Variants in MPPED2 observed in about 807,000 individuals in gnomAD.
The protein encoded by MPPED2 is metallophosphoesterase domain containing 2.
Under a neutral mutation model 33.0 loss-of-function variants are expected in MPPED2, and 5 were observed. The ratio of observed to expected loss-of-function variants is 0.15; its 90% CI spans 0.08 to 0.32. MPPED2 has a LOEUF of 0.32. Ranked by LOEUF, MPPED2 falls within the 10% of genes least tolerant of loss-of-function variation. The probability of loss-of-function intolerance (pLI) is 1.00; values close to 1 mark genes in which losing one functional copy is unlikely to be tolerated. For missense variants in MPPED2, 275 were observed against 372.1 expected (o/e 0.74, Z 2.15); for synonymous variants, 136 against 141.9 (o/e 0.96, Z 0.29).
At chr11:30,486,951 A>C (rs946567400) in intron 4 of MPPED2, among the ~76,000 whole-genome samples, 8 of 152,042 alleles carry the variant, frequency 5.3e-5, no homozygotes, top group Non-Finnish European at 1.0e-4. Flanking sequence ...AATCTGTGTA[A>C]ATTCTCAGTT....
At chr11:30,552,157 T>C (rs1363638835) in intron 2 of MPPED2, among the ~76,000 whole-genome samples, 4 of 152,234 alleles carry the variant, frequency 2.6e-5, no homozygotes, top group Admixed American at 6.5e-5. Flanking sequence ...ATTAAAACTG[T>C]CATCTTCTAT....
chr11:30,478,789 C>T (rs780828003), intron 4 of MPPED2, among the ~76,000 whole-genome samples: 1 of 151,952 alleles, frequency 6.6e-6, no homozygotes, highest in Non-Finnish European at 1.5e-5. Flanking sequence ...GTCTTAGACA[C>T]GTGGTTAATA....
At chr11:30,440,279 G>A (rs947459472) in intron 4 of MPPED2, among the ~76,000 whole-genome samples, 8 of 151,486 alleles carry the variant, frequency 5.3e-5, no homozygotes, top group East Asian at 3.9e-4. Context: ...GCAGTGAGCC[G>A]AGGTCGCGCC....
chr11:30,547,128 T>C (rs1468699970), intron 2 of MPPED2, among the ~76,000 whole-genome samples: 1 of 152,210 alleles, frequency 6.6e-6, no homozygotes, highest in Non-Finnish European at 1.5e-5. Flanking sequence ...ATTGCCCAGC[T>C]AGTACATGGC....
intron 4 of MPPED2, among the ~76,000 whole-genome samples, chr11:30,471,445 C>T (rs2134061425): frequency 6.6e-6 from 1 of 152,346 alleles, no homozygotes; most frequent in South Asian, 2.1e-4. Flanking sequence ...ACATGTCCTG[C>T]ATTCTAACTT....
At chr11:30,580,182 T>C in intron 2 of MPPED2, 64 bp downstream of exon 2, 2 of 1,501,092 alleles carry the variant, frequency 1.3e-6, no homozygotes, top group South Asian at 1.2e-5. Flanking sequence ...TAGTGAATGC[T>C]TTTCTTTTTT....
At chr11:30,567,945 ACTT>A (rs1320189099) in intron 2 of MPPED2, among the ~76,000 whole-genome samples, 1 of 152,098 alleles carries the variant, frequency 6.6e-6, no homozygotes, top group African/African-American at 2.4e-5. Flanking sequence ...AACCCTAAAA[ACTT>A]CTTCACAAGA....
At position 30,462,151 on chromosome 11, in the gene MPPED2, T is replaced by C. The variant is rs544440691; in HGVS notation, c.536+33145A>G. 1.4e-4 allele frequency among the ~76,000 whole-genome samples: 21 copies of C among 152,312 alleles called. No homozygotes were observed. In the South Asian group the frequency reaches 4.3e-3, roughly 32 times the overall value. ...GGGCACATTTCTGAGAAAACAAAAC[T>C]GAAAGTTCACATTGAACACCTGTTC... On this transcript the variant is annotated intron_variant, in intron 4 of 6. Coordinates refer to ENST00000358117, the MANE Select transcript of MPPED2 (RefSeq NM_001584.3).
At chr11:30,442,439 A>G (rs888821960) in intron 4 of MPPED2, among the ~76,000 whole-genome samples, 2 of 152,248 alleles carry the variant, frequency 1.3e-5, no homozygotes, top group Admixed American at 1.3e-4. Flanking sequence ...CGGGAGAGAC[A>G]AGACTCCTTT....
At chr11:30,502,803 G>T (rs1303031496) in intron 3 of MPPED2, among the ~76,000 whole-genome samples, 2 of 152,116 alleles carry the variant, frequency 1.3e-5, no homozygotes, top group Non-Finnish European at 2.9e-5. Flanking sequence ...TATAAGCACT[G>T]CTCTGGCCAA....
chr11:30,483,045 C>T lies in MPPED2; in HGVS notation c.536+12251G>A, dbSNP rs577881978. 3.9e-5 allele frequency among the ~76,000 whole-genome samples: 6 copies of T among 152,230 alleles called. No homozygotes were observed. In the East Asian group the frequency reaches 9.6e-4, roughly 24 times the overall value. ...CAAGGCACTCAATACCCTGAAAATT[C>T]GCTCGTCTCTCATGGGCCTGCCTCT... On this transcript the variant is annotated intron_variant, in intron 4 of 6. Coordinates refer to ENST00000358117, the MANE Select transcript of MPPED2 (RefSeq NM_001584.3).
At chr11:30,449,281 G>A (rs2133939893) in intron 4 of MPPED2, among the ~76,000 whole-genome samples, 1 of 152,264 alleles carries the variant, frequency 6.6e-6, no homozygotes, top group South Asian at 2.1e-4. Flanking sequence ...TATATTGAAG[G>A]AGTCCAGGAT....
Position 30,489,058 on chromosome 11 carries a change from T to A in MPPED2, c.536+6238A>T, listed in dbSNP as rs1951862966. ...TTTTCTTCTTCTTCTTCTCCTTTTT[T>A]TTTTTTTTGCCTAAGTTAATTACAA... On this transcript the variant is annotated intron_variant, in intron 4 of 6. Coordinates refer to ENST00000358117, the MANE Select transcript of MPPED2 (RefSeq NM_001584.3). 2.0e-5 allele frequency among the ~76,000 whole-genome samples: 3 copies of A among 151,658 alleles called. No individual in the cohort carries two copies. The South Asian group carries it at 6.2e-4, about 32-fold the overall frequency.
chr11:30,437,301 A>G (rs537148670), intron 4 of MPPED2, among the ~76,000 whole-genome samples: 1 of 152,334 alleles, frequency 6.6e-6, no homozygotes, highest in South Asian at 2.1e-4. Context: ...CTATGATTCT[A>G]TTAAACAGCT....
chr11:30,578,678 T>C (rs1258344524), intron 2 of MPPED2, among the ~76,000 whole-genome samples: 1 of 152,168 alleles, frequency 6.6e-6, no homozygotes, highest in Admixed American at 6.6e-5. Flanking sequence ...GGAAACAGCA[T>C]CTACAAAGTT....
chr11:30,399,480 C>A (rs1947881375), intron 6 of MPPED2, among the ~76,000 whole-genome samples: 1 of 152,104 alleles, frequency 6.6e-6, no homozygotes, highest in African/African-American at 2.4e-5. Context: ...ATACTCTGTC[C>A]TCTGGAATGT....
chr11:30,415,496 C>G (rs907232922), intron 5 of MPPED2, among the ~76,000 whole-genome samples: 1 of 152,190 alleles, frequency 6.6e-6, no homozygotes, highest in African/African-American at 2.4e-5. Flanking sequence ...CTGTGGCATC[C>G]CTCACCAGCA....
At position 30,437,433 on chromosome 11, in the gene MPPED2, C is replaced by T. The variant is rs564787670; in HGVS notation, c.537-19800G>A. Among the ~76,000 whole-genome samples the T allele has an allele frequency of 4.0e-5, 6 of 150,472 alleles. No individual in the cohort carries two copies. The South Asian group carries it at 1.2e-3, about 31-fold the overall frequency. Reference sequence around the variant, plus strand: ...AGTGAGACCTGAAAGCTTCTATTTTCCCCATCAAATTTCAACCCTAGAATG... The same window carrying T: ...AGTGAGACCTGAAAGCTTCTATTTTTCCCATCAAATTTCAACCCTAGAATG... On this transcript the variant is annotated intron_variant, in intron 4 of 6. Coordinates refer to ENST00000358117, the MANE Select transcript of MPPED2 (RefSeq NM_001584.3).
At chr11:30,417,497 G>C (rs371041959) in intron 5 of MPPED2, 21 bp downstream of exon 5, 1 of 1,435,930 alleles carries the variant, frequency 7.0e-7, no homozygotes, top group East Asian at 2.3e-5. Context: ...GATGACAAAG[G>C]ACAACCTTTG....
Sources: allele counts gnomAD v4.1 joint callset (sites outside exome capture counted in the v4.1 genomes callset), GRCh38; gene constraint gnomAD v4.1.1; transcripts MANE v1.5; gene names NCBI Gene and HGNC (gene_info 2026-07-23, HGNC 2026-07-21).